Variants in RGSL1 observed in about 807,000 individuals in gnomAD.
The protein encoded by RGSL1 is regulator of G protein signaling like 1.
RGSL1 carries 97 observed loss-of-function variants against 124.7 expected under a neutral mutation model. That is an observed-to-expected ratio of 0.78 (90% CI 0.66 to 0.92). RGSL1 has a LOEUF of 0.92. Among genes scored for constraint, RGSL1 ranks in the 40% least tolerant of loss-of-function variants. The pLI is 0.00. For synonymous variants in RGSL1, 424 were observed against 438.1 expected, an observed-to-expected ratio of 0.97 and a Z score of 0.40; for missense variants, 1,233 against 1,288.4, an observed-to-expected ratio of 0.96 and a Z score of 0.66.
chr1:182,467,057 A>T (rs1653397039), intron 4 of RGSL1, among the ~76,000 whole-genome samples: 1 of 152,112 alleles, frequency 6.6e-6, no homozygotes, highest in Admixed American at 6.6e-5. Context: ...TCCAACTTAC[A>T]ATGGATGTGA....
At chr1:182,551,662 A>G (rs1170738501) in intron 18 of RGSL1, among the ~76,000 whole-genome samples, 1 of 152,226 alleles carries the variant, frequency 6.6e-6, no homozygotes, top group Non-Finnish European at 1.5e-5. Flanking sequence ...AGACATATAT[A>G]TGTAAAACAG....
intron 4 of RGSL1, 95 bp downstream of exon 4, chr1:182,460,228 ATGTGTG>A (rs369221755): frequency 2.2e-6 from 3 of 1,353,720 alleles, no homozygotes; most frequent in Non-Finnish European, 2.9e-6. Context: ...TTATGCCTGT[ATGTGTG>A]TGTGTGTGTG....
chr1:182,509,227 C>G (rs1214829511), intron 9 of RGSL1, among the ~76,000 whole-genome samples: 2 of 57,450 alleles, frequency 3.5e-5, no homozygotes, highest in Non-Finnish European at 8.4e-5. Context: ...GGGTGGTGGC[C>G]GGGCAGAGGG....
At position 182,472,391 on chromosome 1, in the gene RGSL1, C is replaced by T. The variant is rs768025706; in HGVS notation, c.302-5C>T. On this transcript the variant is annotated splice_region_variant and splice_polypyrimidine_tract_variant and intron_variant, in intron 4 of 21. Coordinates refer to ENST00000294854, the MANE Select transcript of RGSL1 (RefSeq NM_001137669.2). Reference sequence around the variant, plus strand: ...AGCTCTGTGCCTCTTCTGTCTCACCCGTAGGTGAAGAATTGGTGGATTTCT... The same window carrying T: ...AGCTCTGTGCCTCTTCTGTCTCACCTGTAGGTGAAGAATTGGTGGATTTCT... 4.5e-6 allele frequency: 7 copies of T among 1,547,756 alleles called. No individual in the cohort carries two copies. The highest frequency in any genetic ancestry group is 5.2e-6 in the Non-Finnish European group (6 of 1,144,342).
At chr1:182,488,743 A>AG (rs1276086465) in intron 7 of RGSL1, 2 of 399,854 alleles carry the variant, frequency 5.0e-6, no homozygotes, top group Non-Finnish European at 8.8e-6. Context: ...AAAAAAAAAA[A>AG]AAAAAGATGA....
intron 14 of RGSL1, among the ~76,000 whole-genome samples, chr1:182,534,847 G>A (rs901178891): frequency 2.0e-5 from 3 of 151,828 alleles, no homozygotes; most frequent in Non-Finnish European, 2.9e-5. Flanking sequence ...AAAAGTTCTA[G>A]ATCTTTTGTT....
At position 182,454,460 on chromosome 1, in the gene RGSL1, A is replaced by G. The variant is rs1346211276; in HGVS notation, c.96+420A>G. On this transcript the variant is annotated intron_variant, in intron 2 of 21. Transcript: ENST00000294854. ...AGTTCCACCTACGAAAATCTTAAAT[A>G]CTCTTCAAATCTCTGCTTAAATTCC... Among the ~76,000 whole-genome samples, 5 of 151,754 alleles carry G rather than the reference A, an allele frequency of 3.3e-5. No individual in the cohort carries two copies. The East Asian group carries it at 5.8e-4, about 18-fold the overall frequency.
At chr1:182,516,799 T>A (rs1657930431) in intron 9 of RGSL1, among the ~76,000 whole-genome samples, 1 of 152,198 alleles carries the variant, frequency 6.6e-6, no homozygotes. Flanking sequence ...ATTACTAATG[T>A]TTTAACAGTT....
At chr1:182,472,232 C>A (rs115848807) in intron 4 of RGSL1, among the ~76,000 whole-genome samples, 164 bp from the exon 5 acceptor site, 1 of 152,148 alleles carries the variant, frequency 6.6e-6, no homozygotes, top group South Asian at 2.1e-4. Flanking sequence ...AATTCTCCCC[C>A]ACAGTAGAAC....
chr1:182,536,279 A>G lies in RGSL1; in HGVS notation c.2494+3488A>G, dbSNP rs139879646. On this transcript the variant is annotated intron_variant, in intron 14 of 21. Coordinates refer to ENST00000294854, the MANE Select transcript of RGSL1 (RefSeq NM_001137669.2). ...TGAATATTCAAGCAGAAGTATTTGC[A>G]TGGACATATGTTATTTCTTTTGGGT... Among the ~76,000 whole-genome samples the G allele has an allele frequency of 7.2e-3, 1,103 of 152,272 alleles. 15 individuals carry two copies. The highest frequency in any genetic ancestry group is 0.027 in the Middle Eastern group (8 of 294).
intron 17 of RGSL1, 26 bp downstream of exon 17, chr1:182,548,850 C>T (rs1571712384): frequency 6.5e-7 from 1 of 1,549,990 alleles, no homozygotes; most frequent in Non-Finnish European, 8.7e-7. Flanking sequence ...TATTCAGTGA[C>T]TGTTAGGTCA....
At chr1:182,457,821 A>G (rs1052714555) in intron 2 of RGSL1, among the ~76,000 whole-genome samples, 1 of 152,208 alleles carries the variant, frequency 6.6e-6, no homozygotes, top group African/African-American at 2.4e-5. Context: ...CTAGAATTAC[A>G]TTATCAATTT....
intron 9 of RGSL1, among the ~76,000 whole-genome samples, chr1:182,500,709 T>C (rs1324378576): frequency 6.6e-6 from 1 of 152,232 alleles, no homozygotes; most frequent in Admixed American, 6.5e-5. Context: ...AAGTTTTACA[T>C]TTTCATGATT....
intron 8 of RGSL1, among the ~76,000 whole-genome samples, chr1:182,491,613 C>T (rs1479666997): frequency 6.6e-6 from 1 of 152,116 alleles, no homozygotes; most frequent in East Asian, 1.9e-4. Context: ...GACTAGAAAC[C>T]TGGACCCACT....
intron 14 of RGSL1, among the ~76,000 whole-genome samples, chr1:182,539,883 C>T (rs1175728218): frequency 6.6e-6 from 1 of 152,116 alleles, no homozygotes; most frequent in Non-Finnish European, 1.5e-5. Context: ...AAATTACTTC[C>T]TGATAAAACT....
chr1:182,459,857 T>C (rs936509768), intron 3 of RGSL1, 147 bp from the exon 4 acceptor site: 8 of 916,510 alleles, frequency 8.7e-6, no homozygotes, highest in East Asian at 2.8e-5. Flanking sequence ...AGGTTCCAGG[T>C]TTATAGAAAT....
intron 2 of RGSL1, 71 bp from the exon 3 acceptor site, chr1:182,458,248 G>A: frequency 8.9e-7 from 1 of 1,122,020 alleles, no homozygotes; most frequent in East Asian, 2.6e-5. Flanking sequence ...CTCTGTGGCT[G>A]TAGAGGGACT....
chr1:182,454,622 GTGT>G (rs1008533593), intron 2 of RGSL1, among the ~76,000 whole-genome samples: 3 of 142,064 alleles, frequency 2.1e-5, no homozygotes, highest in Non-Finnish European at 3.1e-5. Context: ...GTGTGTGTGT[GTGT>G]GGCCCCCAGT....
At chr1:182,551,368 G>A (rs1660553352) in intron 18 of RGSL1, among the ~76,000 whole-genome samples, 159 bp downstream of exon 18, 1 of 152,170 alleles carries the variant, frequency 6.6e-6, no homozygotes, top group Non-Finnish European at 1.5e-5. Context: ...AGCACTCAGG[G>A]TAAAGCATGA....
Sources: allele counts gnomAD v4.1 joint callset (sites outside exome capture counted in the v4.1 genomes callset), GRCh38; gene constraint gnomAD v4.1.1; transcripts MANE v1.5; gene names NCBI Gene and HGNC (gene_info 2026-07-23, HGNC 2026-07-21).